The following MS4A4A variants were observed in gnomAD, a reference collection of about 807,000 sequenced individuals.
MS4A4A encodes membrane spanning 4-domains A4A, also known as membrane-spanning 4-domains subfamily A member 4A.
Under a neutral mutation model 28.0 loss-of-function variants are expected in MS4A4A, and 26 were observed. The observed-to-expected ratio is 0.93, with a 90% CI of 0.68 to 1.29. The LOEUF (loss-of-function observed/expected upper bound fraction) is 1.29. Ranked by LOEUF, MS4A4A falls within the 50% of genes most tolerant of loss-of-function variation. The pLI is 0.00. For synonymous variants in MS4A4A, 86 were observed against 100.8 expected (o/e 0.85, Z 0.88); for missense variants, 290 against 293.1 (o/e 0.99, Z 0.08).
intron 6 of MS4A4A, among the ~76,000 whole-genome samples, chr11:60,307,898 A>C (rs1480529664): frequency 6.6e-6 from 1 of 152,184 alleles, no homozygotes; most frequent in Non-Finnish European, 1.5e-5. Flanking sequence ...AGTGGTCATC[A>C]GCAGCTCAGG....
At chr11:60,295,669 A>G (rs2084899475) in intron 2 of MS4A4A, among the ~76,000 whole-genome samples, 1 of 152,034 alleles carries the variant, frequency 6.6e-6, no homozygotes, top group South Asian at 2.1e-4. Flanking sequence ...TCCTCTATTA[A>G]TAGGTTTTTC....
At chr11:60,300,428 A>G (rs1590759754) in intron 3 of MS4A4A, among the ~76,000 whole-genome samples, 1 of 152,010 alleles carries the variant, frequency 6.6e-6, no homozygotes, top group Admixed American at 6.6e-5. Context: ...CATCCTGGCT[A>G]ACACGGTGAA....
intron 1 of MS4A4A, among the ~76,000 whole-genome samples, chr11:60,290,866 A>T (rs1346140365): frequency 6.6e-6 from 1 of 152,142 alleles, no homozygotes; most frequent in Non-Finnish European, 1.5e-5. Flanking sequence ...TTTTCAGAGA[A>T]ATCTTAATTT....
chr11:60,299,740 C>T (rs1176909456), intron 3 of MS4A4A, among the ~76,000 whole-genome samples: 1 of 152,124 alleles, frequency 6.6e-6, no homozygotes, highest in African/African-American at 2.4e-5. Flanking sequence ...GGATTACAAG[C>T]GTGTGCCACC....
chr11:60,299,239 A>C (rs1209545480), intron 3 of MS4A4A, among the ~76,000 whole-genome samples: 1 of 152,146 alleles, frequency 6.6e-6, no homozygotes, highest in Non-Finnish European at 1.5e-5. Context: ...TATATTGTTC[A>C]TACTTAAATA....
intron 1 of MS4A4A, among the ~76,000 whole-genome samples, chr11:60,286,853 T>C (rs2084807392): frequency 6.6e-6 from 1 of 152,224 alleles, no homozygotes; most frequent in Middle Eastern, 3.2e-3. Flanking sequence ...TGTTCAAAGA[T>C]TTAATTCATT....
At chr11:60,282,620 C>T in intron 1 of MS4A4A, 1 of 1,284,882 alleles carries the variant, frequency 7.8e-7, no homozygotes, top group South Asian at 1.2e-5. Flanking sequence ...TGGAACATTC[C>T]TGCAAATGGT....
chr11:60,292,471 TCATAATACAA>T, intron 2 of MS4A4A, 87 bp downstream of exon 2: 6 of 1,351,044 alleles, frequency 4.4e-6, no homozygotes, highest in Non-Finnish European at 5.9e-6. Context: ...CCCACTAGCC[TCATAATACAA>T]CAGCCAACCC....
chr11:60,294,203 G>A (rs1590755608), intron 2 of MS4A4A, among the ~76,000 whole-genome samples: 1 of 152,280 alleles, frequency 6.6e-6, no homozygotes, highest in East Asian at 1.9e-4. Context: ...TTTCCCTTGT[G>A]ACATAAGATG....
intron 1 of MS4A4A, among the ~76,000 whole-genome samples, chr11:60,291,033 A>C (rs532954631): frequency 6.6e-6 from 1 of 152,318 alleles, no homozygotes; most frequent in South Asian, 2.1e-4. Context: ...AGCAAGCTTC[A>C]TTTCCCTAAA....
intron 5 of MS4A4A, among the ~76,000 whole-genome samples, chr11:60,303,594 G>A (rs2084972041): frequency 6.6e-6 from 1 of 152,094 alleles, no homozygotes; most frequent in Non-Finnish European, 1.5e-5. Flanking sequence ...TGTGATCCCA[G>A]CTACTCGGGG....
chr11:60,292,592 G>C (rs1401659917), intron 2 of MS4A4A, among the ~76,000 whole-genome samples: 2 of 152,146 alleles, frequency 1.3e-5, no homozygotes, highest in Non-Finnish European at 2.9e-5. Context: ...AATATATTGA[G>C]TTCAGATCTA....
chr11:60,287,023 TG>T (rs1157642423), intron 1 of MS4A4A, among the ~76,000 whole-genome samples: 1 of 152,194 alleles, frequency 6.6e-6, no homozygotes, highest in Non-Finnish European at 1.5e-5. Context: ...CTTTAACGTT[TG>T]TGTATCTGCT....
chr11:60,295,986 G>A (rs2084902249), intron 2 of MS4A4A, among the ~76,000 whole-genome samples: 1 of 151,974 alleles, frequency 6.6e-6, no homozygotes, highest in Admixed American at 6.6e-5. Flanking sequence ...TTTGGTAGAT[G>A]GTAGTGCTAG....
At position 60,292,510 on chromosome 11, in the gene MS4A4A, C is replaced by T. The variant is rs567443239; in HGVS notation, c.201+126C>T. On this transcript the variant is annotated intron_variant, in intron 2 of 6. Coordinates refer to ENST00000337908, the MANE Select transcript of MS4A4A (RefSeq NM_148975.3). Reference sequence around the variant, plus strand: ...CCAACCCTCACGACGTCAGTAATTACTTTTCAGGCTCTTCATCTGAAAAAC... The same window carrying T: ...CCAACCCTCACGACGTCAGTAATTATTTTTCAGGCTCTTCATCTGAAAAAC... The T allele has an allele frequency of 7.5e-6, 7 of 935,630 alleles. No individual in the cohort carries two copies. In the South Asian group the frequency reaches 1.6e-4, roughly 22 times the overall value. The allele number at this position is 935,630 out of a possible 1,614,324, so 58.0% of individuals were successfully genotyped here. A position where few individuals can be genotyped will look rare whatever the true frequency, so the allele number is the denominator to read the frequency against.
chr11:60,292,996 T>C (rs981842077), intron 2 of MS4A4A, among the ~76,000 whole-genome samples: 2 of 152,226 alleles, frequency 1.3e-5, no homozygotes, highest in Non-Finnish European at 2.9e-5. Context: ...GGGGGAAATA[T>C]AGTTATTTCT....
intron 1 of MS4A4A, among the ~76,000 whole-genome samples, chr11:60,283,845 G>A (rs948211675): frequency 3.9e-5 from 6 of 152,138 alleles, no homozygotes; most frequent in African/African-American, 1.4e-4. Context: ...TGTATATATA[G>A]GTCTGAATAT....
intron 1 of MS4A4A, 35 bp downstream of exon 1, chr11:60,280,751 G>A: frequency 6.2e-7 from 1 of 1,611,964 alleles, no homozygotes; most frequent in Non-Finnish European, 8.5e-7. Context: ...AGGCTTTCGG[G>A]CTGATGGCTT....
intron 6 of MS4A4A, among the ~76,000 whole-genome samples, chr11:60,306,782 G>C (rs1303560586): frequency 6.6e-6 from 1 of 152,154 alleles, no homozygotes; most frequent in African/African-American, 2.4e-5. Context: ...ATCCAGATAT[G>C]AGGATATTTC....
Sources: gnomAD v4.1 joint callset for allele counts (sites outside exome capture counted in the v4.1 genomes callset) on GRCh38, gnomAD v4.1.1 for gene constraint, MANE v1.5 for transcripts, NCBI Gene and HGNC (gene_info 2026-07-23, HGNC 2026-07-21) for gene names.